FBXO36: variants seen among roughly 807,000 people sequenced by gnomAD.
FBXO36 encodes the protein F-box only protein 36.
A neutral mutation model predicts 17.0 loss-of-function variants in FBXO36; 18 were observed. The observed-to-expected ratio is 1.06, with a 90% CI of 0.73 to 1.57. FBXO36 has a LOEUF of 1.57. FBXO36 is among the 40% of genes most tolerant of loss of function. The pLI is 0.00. For missense variants in FBXO36, 229 were observed against 221.9 expected (o/e 1.03, Z -0.20); for synonymous variants, 83 against 85.3 (o/e 0.97, Z 0.15).
At chr2:229,976,142 G>C in intron 1 of FBXO36, 99 bp from the exon 2 acceptor site, 1 of 733,166 alleles carries the variant, frequency 1.4e-6, no homozygotes, top group Non-Finnish European at 2.2e-6. Context: ...AGCTAATGTT[G>C]GACACATAGC....
chr2:229,954,578 C>T (rs1333634564), intron 1 of FBXO36, among the ~76,000 whole-genome samples: 1 of 118,160 alleles, frequency 8.5e-6, no homozygotes, highest in African/African-American at 3.1e-5. Context: ...ACGGGAGTCT[C>T]GCTCTGTCAC....
At chr2:230,001,376 C>T (rs1204950652) in intron 3 of FBXO36, among the ~76,000 whole-genome samples, 1 of 152,064 alleles carries the variant, frequency 6.6e-6, no homozygotes, top group African/African-American at 2.4e-5. Context: ...CAACCTCTGC[C>T]TCCTGGGTTC....
intron 1 of FBXO36, among the ~76,000 whole-genome samples, chr2:229,958,262 T>TC (rs2077101204): frequency 1.1e-5 from 1 of 94,802 alleles, no homozygotes; most frequent in African/African-American, 3.9e-5. Flanking sequence ...ACTTTCTTTT[T>TC]TTTTTTTTTT....
intron 1 of FBXO36, among the ~76,000 whole-genome samples, chr2:229,961,033 G>A (rs917293060): frequency 2.0e-5 from 3 of 151,958 alleles, no homozygotes; most frequent in African/African-American, 7.3e-5. Context: ...GCTGGAACCT[G>A]GGAGGCAGAG....
At chr2:229,986,533 ATT>A (rs1223670808) in intron 2 of FBXO36, among the ~76,000 whole-genome samples, 24 of 140,268 alleles carry the variant, frequency 1.7e-4, no homozygotes, top group Admixed American at 5.0e-4. Flanking sequence ...AAACATAAAA[ATT>A]TTTTTTTTTT....
intron 1 of FBXO36, among the ~76,000 whole-genome samples, chr2:229,955,389 G>T (rs1201731170): frequency 6.6e-6 from 1 of 152,050 alleles, no homozygotes; most frequent in Non-Finnish European, 1.5e-5. Context: ...GCTGGCACTT[G>T]CCTGTAGTCC....
chr2:229,959,002 C>G (rs2077106730), intron 1 of FBXO36, among the ~76,000 whole-genome samples: 1 of 152,160 alleles, frequency 6.6e-6, no homozygotes, highest in Non-Finnish European at 1.5e-5. Context: ...GAATGTCCCT[C>G]TAAGTCCAAA....
chr2:229,926,437 A>G (rs1035770360), intron 1 of FBXO36, among the ~76,000 whole-genome samples: 2 of 151,154 alleles, frequency 1.3e-5, no homozygotes, highest in Admixed American at 1.3e-4. Flanking sequence ...TCTTTAAAAT[A>G]AATAAATAAA....
chr2:229,954,328 C>T (rs1299216711), intron 1 of FBXO36, among the ~76,000 whole-genome samples: 3 of 143,504 alleles, frequency 2.1e-5, no homozygotes, highest in Admixed American at 1.5e-4. Context: ...CTGCAACCTC[C>T]GCCCCCTGGG....
At chr2:229,948,569 A>G (rs2077039402) in intron 1 of FBXO36, among the ~76,000 whole-genome samples, 1 of 151,122 alleles carries the variant, frequency 6.6e-6, no homozygotes, top group Admixed American at 6.6e-5. Flanking sequence ...TTGCAGCTAC[A>G]GTTAGCCACA....
At chr2:229,937,053 C>T (rs958305076) in intron 1 of FBXO36, among the ~76,000 whole-genome samples, 7 of 152,078 alleles carry the variant, frequency 4.6e-5, no homozygotes, top group Non-Finnish European at 8.8e-5. Context: ...ACCTCTAAAA[C>T]GCCCCTGACT....
At chr2:229,971,204 A>T (rs137897967) in intron 1 of FBXO36, among the ~76,000 whole-genome samples, 1,735 of 152,034 alleles carry the variant, frequency 0.011, 33 homozygotes, top group African/African-American at 0.038. Flanking sequence ...AAATATAAAA[A>T]ATTAGCCAGG....
intron 1 of FBXO36, among the ~76,000 whole-genome samples, chr2:229,968,352 A>G (rs1025837667): frequency 4.6e-5 from 7 of 152,218 alleles, no homozygotes; most frequent in Non-Finnish European, 8.8e-5. Context: ...TGATTGTTTA[A>G]TTATACATTT....
intron 3 of FBXO36, among the ~76,000 whole-genome samples, chr2:230,001,440 A>G (rs865971177): frequency 1.3e-5 from 2 of 151,608 alleles, no homozygotes; most frequent in African/African-American, 4.8e-5. Flanking sequence ...GGCACCCACC[A>G]CTGTGCCTGG....
intron 1 of FBXO36, among the ~76,000 whole-genome samples, chr2:229,926,716 A>G (rs990755530): frequency 1.3e-5 from 2 of 151,600 alleles, no homozygotes; most frequent in African/African-American, 4.8e-5. Context: ...TGGGCAACAG[A>G]GTGAGACCCC....
chr2:229,941,727 A>G (rs1490575213), intron 1 of FBXO36, among the ~76,000 whole-genome samples: 1 of 151,930 alleles, frequency 6.6e-6, no homozygotes, highest in Non-Finnish European at 1.5e-5. Context: ...AGAGAACCCA[A>G]ATTTTCAGGC....
intron 2 of FBXO36, among the ~76,000 whole-genome samples, chr2:229,992,614 G>C (rs1442695408): frequency 1.3e-5 from 2 of 152,100 alleles, no homozygotes; most frequent in East Asian, 3.8e-4. Flanking sequence ...TTACATTTTA[G>C]GTTCCACTGT....
At chr2:229,975,678 G>A (rs992025543) in intron 1 of FBXO36, among the ~76,000 whole-genome samples, 1 of 151,834 alleles carries the variant, frequency 6.6e-6, no homozygotes, top group African/African-American at 2.4e-5. Context: ...GTCTCACTAT[G>A]TTGCCCAAGC....
rs1304812052 is a variant in FBXO36 at position 229,978,494 on chromosome 2, G to A, written c.205+2145G>A. ...CCTAGCCACTCAGGAGGCTGAGGCAGGATAATTGCTTGAACCCAGGAGGTG... is the reference window on the plus strand; with the variant it reads ...CCTAGCCACTCAGGAGGCTGAGGCAAGATAATTGCTTGAACCCAGGAGGTG... On this transcript the variant is annotated intron_variant, in intron 2 of 3. Transcript: ENST00000283946. Among the ~76,000 whole-genome samples, 3 of 151,888 alleles carry A rather than the reference G, an allele frequency of 2.0e-5. No homozygotes were observed. The East Asian group carries it at 5.8e-4, about 29-fold the overall frequency.
Sources: gnomAD v4.1 joint callset for allele counts (sites outside exome capture counted in the v4.1 genomes callset) on GRCh38, gnomAD v4.1.1 for gene constraint, MANE v1.5 for transcripts, NCBI Gene and HGNC (gene_info 2026-07-23, HGNC 2026-07-21) for gene names.